Variants in SYNGR1 observed in about 807,000 individuals in gnomAD.
SYNGR1 encodes synaptogyrin-1.
Under a neutral mutation model 26.1 loss-of-function variants are expected in SYNGR1, and 14 were observed. That is an observed-to-expected ratio of 0.54 (90% CI 0.35 to 0.84). SYNGR1 has a LOEUF of 0.84. SYNGR1 is among the 40% of genes least tolerant of loss of function. SYNGR1 has a pLI of 0.01. For missense variants in SYNGR1, 319 were observed against 332.9 expected, an observed-to-expected ratio of 0.96 and a Z score of 0.33; for synonymous variants, 141 against 150.1, an observed-to-expected ratio of 0.94 and a Z score of 0.44.
rs2145632565 is a variant in SYNGR1, at chr22:39,377,435, AG to A, written c.483+1240del. 3.0e-6 allele frequency: 3 copies of A among 985,312 alleles called. No homozygotes were observed. In the South Asian group the frequency reaches 1.4e-4, roughly 46 times the overall value. 61.0% of individuals were successfully genotyped at this position (985,312 alleles called of 1,614,324 possible). ...AGTGGGGACCACCCAGCCTACAGGG[AG>A]GAGTTTAGGGGCGGGGCTCACAGAG... is the stretch of plus-strand genomic sequence containing the variant. On this transcript the variant is annotated intron_variant, in intron 3 of 3. Transcript: ENST00000328933.
intron 1 of SYNGR1, among the ~76,000 whole-genome samples, chr22:39,364,690 C>A (rs1395589922): frequency 6.6e-6 from 1 of 152,174 alleles, no homozygotes; most frequent in Admixed American, 6.5e-5. Context: ...AGTTGTCAGA[C>A]AGCCTGAGGA....
chr22:39,361,275 C>T (rs1389196681), intron 1 of SYNGR1, among the ~76,000 whole-genome samples: 2 of 151,810 alleles, frequency 1.3e-5, no homozygotes, highest in East Asian at 3.9e-4. Context: ...ACCAAACAAC[C>T]TCAGGCATGC....
At chr22:39,364,743 G>A (rs994349216) in intron 1 of SYNGR1, among the ~76,000 whole-genome samples, 1 of 152,172 alleles carries the variant, frequency 6.6e-6, no homozygotes, top group Non-Finnish European at 1.5e-5. Flanking sequence ...CATAGGGTGG[G>A]GAGGGGGACA....
chr22:39,376,004 C>T lies in SYNGR1; in HGVS notation c.338-48C>T, dbSNP rs756802864. 3 of 1,613,302 alleles carry T rather than the reference C, an allele frequency of 1.9e-6. No homozygotes were observed. In the South Asian group the frequency reaches 3.3e-5, roughly 18 times the overall value. On this transcript the variant is annotated intron_variant, in intron 2 of 3. Transcript: ENST00000328933. ...CCCATTTTCTCCCCACTCACCCTCTCCCCCATGTGTGGCACTGCCTATTCT... is the reference window on the plus strand; with the variant it reads ...CCCATTTTCTCCCCACTCACCCTCTTCCCCATGTGTGGCACTGCCTATTCT...
intron 3 of SYNGR1, chr22:39,377,598 A>G (rs747351599): frequency 6.2e-7 from 1 of 1,613,762 alleles, no homozygotes; most frequent in Admixed American, 1.7e-5. Flanking sequence ...CTCCTGGCAG[A>G]GCCTGACCGC....
intron 1 of SYNGR1, among the ~76,000 whole-genome samples, chr22:39,361,773 G>T (rs375052453): frequency 1.3e-5 from 2 of 152,248 alleles, no homozygotes; most frequent in South Asian, 4.2e-4. Flanking sequence ...ATGAGGTCTA[G>T]CCCTGAAGGG....
chr22:39,363,533 G>T (rs1957397590), intron 1 of SYNGR1, among the ~76,000 whole-genome samples: 1 of 152,012 alleles, frequency 6.6e-6, no homozygotes, highest in African/African-American at 2.4e-5. Flanking sequence ...GTGCTGGGGA[G>T]GCTGAGAGAG....
chr22:39,370,287 C>T (rs1458995398), intron 1 of SYNGR1, among the ~76,000 whole-genome samples: 2 of 152,090 alleles, frequency 1.3e-5, no homozygotes, highest in African/African-American at 4.8e-5. Context: ...CGTGCCACCA[C>T]GCCCAGCTAA....
chr22:39,366,197 T>C lies in SYNGR1; in HGVS notation c.100-8119T>C, dbSNP rs142354688. 5.2e-3 allele frequency among the ~76,000 whole-genome samples: 778 copies of C among 149,958 alleles called. 2 individuals are homozygous for C. The highest frequency in any genetic ancestry group is 9.0e-3 in the Non-Finnish European group (605 of 67,476). On this transcript the variant is annotated intron_variant, in intron 1 of 3. Coordinates refer to ENST00000328933, the MANE Select transcript of SYNGR1 (RefSeq NM_004711.5). ...CTAGGCTGGTCTCAAACCCCTGGGC[T>C]CACCCAGGAGTGATCACTCACCCTC...
At position 39,383,100 on chromosome 22, in the gene SYNGR1, C is replaced by G. The variant is rs1469233344; in HGVS notation, c.*1186C>G. The G allele has an allele frequency of 6.6e-6, 1 of 151,820 alleles. No homozygotes were observed. The highest frequency in any genetic ancestry group is 1.9e-4 in the East Asian group (1 of 5,228). The allele number at this position is 151,820 out of a possible 1,614,324, so 9.4% of individuals were successfully genotyped here. On this transcript the variant is annotated 3_prime_UTR_variant, in exon 4 of 4. Transcript: ENST00000328933. ...TGACCTCCCAGGAAACAGAACTGAT[C>G]TGGGACACTATGTCACCTCTCCTCT...
chr22:39,378,927 C>T (rs1457728513), intron 3 of SYNGR1, among the ~76,000 whole-genome samples: 1 of 152,218 alleles, frequency 6.6e-6, no homozygotes, highest in African/African-American at 2.4e-5. Flanking sequence ...AGTATGAGTG[C>T]CTACAGCCAG....
At chr22:39,372,245 C>T (rs1925059379) in intron 1 of SYNGR1, among the ~76,000 whole-genome samples, 1 of 148,034 alleles carries the variant, frequency 6.8e-6, no homozygotes, top group Non-Finnish European at 1.5e-5. Context: ...GATTCTCCTG[C>T]TTCAGCCTCC....
At chr22:39,366,608 T>G (rs1280184516) in intron 1 of SYNGR1, among the ~76,000 whole-genome samples, 5 of 152,188 alleles carry the variant, frequency 3.3e-5, no homozygotes, top group Admixed American at 3.3e-4. Context: ...ATTGCGCCCC[T>G]GCACTCCAGT....
intron 3 of SYNGR1, chr22:39,377,162 C>T: frequency 6.8e-7 from 1 of 1,471,454 alleles, no homozygotes; most frequent in Non-Finnish European, 9.0e-7. Context: ...CCAGCCGTCC[C>T]TGTTTCCCCC....
intron 1 of SYNGR1, among the ~76,000 whole-genome samples, chr22:39,365,185 G>A (rs937136159): frequency 1.4e-4 from 22 of 152,186 alleles, no homozygotes; most frequent in African/African-American, 4.1e-4. Context: ...CCAGTGTCTC[G>A]GCTGCTGTGG....
chr22:39,362,827 C>T (rs774808847), intron 1 of SYNGR1, among the ~76,000 whole-genome samples: 2 of 152,210 alleles, frequency 1.3e-5, no homozygotes, highest in South Asian at 2.1e-4. Flanking sequence ...TTCTACCCCC[C>T]GTGCTGCCTG....
intron 3 of SYNGR1, chr22:39,377,523 C>T: frequency 6.3e-7 from 1 of 1,575,828 alleles, no homozygotes; most frequent in Non-Finnish European, 8.6e-7. Context: ...CCTGCCCGGC[C>T]CCCTGAAGCC....
In SYNGR1 at chr22:39,360,616, G is replaced by T. The variant is rs1924426639; in HGVS notation, c.99+10507G>T. On this transcript the variant is annotated intron_variant, in intron 1 of 3. Coordinates refer to ENST00000328933, the MANE Select transcript of SYNGR1 (RefSeq NM_004711.5). ...GAATGTGGACACCCTCACCCCGCTC[G>T]TCCTCTCTTTAATATACATGCTGAG... Among the ~76,000 whole-genome samples, 3 of 152,172 alleles carry T rather than the reference G, an allele frequency of 2.0e-5. No individual in the cohort carries two copies. In the South Asian group the frequency reaches 6.2e-4, roughly 31 times the overall value.
rs1186172564 is a variant in SYNGR1 at position 39,350,317 on chromosome 22, G to A, written c.99+208G>A. On this transcript the variant is annotated intron_variant, in intron 1 of 3. Transcript: ENST00000328933. The surrounding 1 kb of genome is among the most constrained non-coding windows in gnomAD (Gnocchi z 4.3). Reference sequence around the variant, plus strand: ...CGGGCGGGATCCCTGGTGCTCGCGGGAGACGCCGCTCCGGCTCCCGGAGCC... The same window carrying A: ...CGGGCGGGATCCCTGGTGCTCGCGGAAGACGCCGCTCCGGCTCCCGGAGCC... 6.6e-6 allele frequency among the ~76,000 whole-genome samples: 1 copy of A among 152,012 alleles called. No homozygotes were observed. The highest frequency in any genetic ancestry group is 1.5e-5 in the Non-Finnish European group (1 of 67,958).
Sources: gnomAD v4.1 joint callset for allele counts (sites outside exome capture counted in the v4.1 genomes callset) on GRCh38, gnomAD v4.1.1 for gene constraint, Gnocchi (gnomAD v3.1) non-coding constraint, MANE v1.5 for transcripts, NCBI Gene and HGNC (gene_info 2026-07-23, HGNC 2026-07-21) for gene names.